Variants in RHOH observed in about 807,000 individuals in gnomAD.
RHOH encodes ras homolog family member H.
A neutral mutation model predicts 13.8 loss-of-function variants in RHOH; 6 were observed. The ratio of observed to expected loss-of-function variants is 0.44; its 90% CI spans 0.24 to 0.86. The LOEUF is 0.86. RHOH is among the 40% of genes least tolerant of loss of function. The probability of loss-of-function intolerance (pLI) is 0.24; values close to 1 mark genes in which losing one functional copy is unlikely to be tolerated. For synonymous variants in RHOH, 117 were observed against 103.0 expected (o/e 1.14, Z -0.82); for missense variants, 147 against 244.5 (o/e 0.60, Z 2.66).
At chr4:40,226,548 A>AAAAGAT (rs1169583582) in intron 1 of RHOH, among the ~76,000 whole-genome samples, 5 of 151,900 alleles carry the variant, frequency 3.3e-5, no homozygotes, top group Non-Finnish European at 7.4e-5. Flanking sequence ...AAAAAAAAGA[A>AAAAGAT]AAAGAAAAAA....
At chr4:40,221,816 G>A (rs1726621253) in intron 1 of RHOH, among the ~76,000 whole-genome samples, 1 of 152,172 alleles carries the variant, frequency 6.6e-6, no homozygotes. Flanking sequence ...TAATGAGGAA[G>A]GCATGTTGAA....
intron 1 of RHOH, among the ~76,000 whole-genome samples, chr4:40,221,183 A>C (rs1054548075): frequency 1.3e-5 from 2 of 152,218 alleles, no homozygotes; most frequent in African/African-American, 4.8e-5. Context: ...CCATCATTGC[A>C]GAGACCTTTC....
upstream of RHOH, chr4:40,191,467 T>C (rs1722707198): frequency 6.6e-6 from 1 of 152,234 alleles, no homozygotes; most frequent in African/African-American, 2.4e-5. Context: ...AAATGCACTT[T>C]GACTCATGTC....
intron 1 of RHOH, among the ~76,000 whole-genome samples, chr4:40,208,615 CT>C (rs1034251583): frequency 2.0e-5 from 3 of 152,016 alleles, no homozygotes; most frequent in Non-Finnish European, 4.4e-5. Context: ...TTCGAAAGGC[CT>C]TTTTTCAGAA....
intron 1 of RHOH, among the ~76,000 whole-genome samples, chr4:40,203,546 G>A (rs1724286361): frequency 6.7e-6 from 1 of 149,800 alleles, no homozygotes; most frequent in Admixed American, 6.6e-5. Context: ...GTGTGTGTGA[G>A]AGAGAGAGAG....
intron 1 of RHOH, among the ~76,000 whole-genome samples, chr4:40,233,955 A>AAAATAAAATG (rs1351487268): frequency 8.1e-5 from 5 of 61,666 alleles, no homozygotes; most frequent in African/African-American, 2.2e-4. Flanking sequence ...AAAATAAAAT[A>AAAATAAAATG]AAATAAAATG....
In RHOH at chr4:40,206,880, T is replaced by C. The variant is rs527463656; in HGVS notation, c.-331+9580T>C. Among the ~76,000 whole-genome samples, 4 of 152,338 alleles carry C rather than the reference T, an allele frequency of 2.6e-5. No homozygotes were observed. In the South Asian group the frequency reaches 6.2e-4, roughly 24 times the overall value. ...CATATGCCTTTTAGGTTAAATATAC[T>C]TGTATACATCTTATTTGTAAGTGTT... On this transcript the variant is annotated intron_variant, in intron 1 of 2. Transcript: ENST00000381799.
At chr4:40,242,072 C>T (rs1269154473) in intron 1 of RHOH, among the ~76,000 whole-genome samples, 1 of 152,216 alleles carries the variant, frequency 6.6e-6, no homozygotes, top group East Asian at 1.9e-4. Context: ...AACCTTTACT[C>T]TGAATTTTGG....
intron 1 of RHOH, among the ~76,000 whole-genome samples, chr4:40,226,540 A>AAAAAAG (rs1553858161): frequency 6.6e-4 from 91 of 137,918 alleles, no homozygotes; most frequent in African/African-American, 7.5e-4. Context: ...AAAAAAAAAA[A>AAAAAAG]AAAAAGAAAA....
At chr4:40,219,103 G>A (rs774466127) in intron 1 of RHOH, among the ~76,000 whole-genome samples, 3 of 152,106 alleles carry the variant, frequency 2.0e-5, no homozygotes, top group Non-Finnish European at 4.4e-5. Context: ...ATAGTATGCT[G>A]TAGTTTGTAT....
intron 1 of RHOH, among the ~76,000 whole-genome samples, chr4:40,203,751 T>C (rs866391834): frequency 2.6e-5 from 4 of 152,246 alleles, no homozygotes; most frequent in Middle Eastern, 3.4e-3. Flanking sequence ...CACAAAATCC[T>C]CTTCCACAGT....
intron 1 of RHOH, among the ~76,000 whole-genome samples, chr4:40,240,685 G>A (rs1187507251): frequency 6.6e-6 from 1 of 152,170 alleles, no homozygotes; most frequent in Non-Finnish European, 1.5e-5. Flanking sequence ...GCTGAGGCAT[G>A]AGAATTGCTT....
chr4:40,199,303 G>C (rs2109350378), intron 1 of RHOH, among the ~76,000 whole-genome samples: 1 of 152,304 alleles, frequency 6.6e-6, no homozygotes, highest in Non-Finnish European at 1.5e-5. Flanking sequence ...AAATGAAGGT[G>C]TTATGAGCCC....
intron 1 of RHOH, among the ~76,000 whole-genome samples, chr4:40,197,870 A>T (rs1723410398): frequency 1.3e-5 from 2 of 152,306 alleles, no homozygotes; most frequent in Admixed American, 6.5e-5. Context: ...GAGATATGCT[A>T]CGAGGTACCA....
intron 1 of RHOH, among the ~76,000 whole-genome samples, chr4:40,228,934 T>C (rs889482812): frequency 4.6e-5 from 7 of 152,246 alleles, no homozygotes; most frequent in Non-Finnish European, 8.8e-5. Context: ...TGCAGAATTC[T>C]ACCCAGGGAG....
chr4:40,204,080 A>G (rs1367851946), intron 1 of RHOH, among the ~76,000 whole-genome samples: 1 of 152,258 alleles, frequency 6.6e-6, no homozygotes, highest in East Asian at 1.9e-4. Context: ...ACATTATATC[A>G]CAAAATAAAC....
At chr4:40,195,103 T>G (rs113372486), upstream of RHOH, among the ~76,000 whole-genome samples, 2,354 of 152,322 alleles carry the variant, frequency 0.015, 86 homozygotes, top group Non-Finnish European at 0.015. Flanking sequence ...TTCTCTGTAA[T>G]TAACCTCACC....
Position 40,245,830 on chromosome 4 carries a change from C to T in RHOH, c.*1868C>T, listed in dbSNP as rs1056165361. ...CAAAAACCAAATGTGTGCTCATTCA[C>T]ACATTGCTTTCTCCTTCTCTCTCTC... On this transcript the variant is annotated 3_prime_UTR_variant, in exon 3 of 3. Coordinates refer to ENST00000381799, the MANE Select transcript of RHOH (RefSeq NM_004310.5). 7.2e-5 allele frequency: 11 copies of T among 152,248 alleles called. No homozygotes were observed. Among genetic ancestry groups the T allele is most frequent in the Middle Eastern group, 3.2e-3 (1 of 316 alleles). The allele number at this position is 152,248 out of a possible 1,614,324, so 9.4% of individuals were successfully genotyped here.
chr4:40,245,128 C>G lies in RHOH; in HGVS notation c.*1166C>G, dbSNP rs1261211837. ...GGGAAATACTGAATAAATAGACACA[C>G]ACATACTCGCACACAACCTGCTCTC... is the stretch of plus-strand genomic sequence containing the variant. On this transcript the variant is annotated 3_prime_UTR_variant, in exon 3 of 3. Transcript: ENST00000381799. 6.6e-6 allele frequency: 1 copy of G among 152,140 alleles called. No individual in the cohort carries two copies. Among genetic ancestry groups the G allele is most frequent in the African/African-American group, 2.4e-5 (1 of 41,418 alleles). The allele number at this position is 152,140 out of a possible 1,614,324, so 9.4% of individuals were successfully genotyped here. A position where few individuals can be genotyped will look rare whatever the true frequency, so the allele number is the denominator to read the frequency against.
Sources: gnomAD v4.1 joint callset for allele counts (sites outside exome capture counted in the v4.1 genomes callset) on GRCh38, gnomAD v4.1.1 for gene constraint, MANE v1.5 for transcripts, NCBI Gene and HGNC (gene_info 2026-07-23, HGNC 2026-07-21) for gene names.